ARHGAP21: variants seen among roughly 807,000 people sequenced by gnomAD.
The protein encoded by ARHGAP21 is Rho GTPase activating protein 21, also known as rho GTPase-activating protein 21.
A neutral mutation model predicts 164.6 loss-of-function variants in ARHGAP21; 38 were observed. That is an observed-to-expected ratio of 0.23 (90% CI 0.18 to 0.30). The LOEUF (loss-of-function observed/expected upper bound fraction) is 0.30, where lower values mean the gene tolerates loss of function less well. Ranked by LOEUF, ARHGAP21 falls within the 10% of genes least tolerant of loss-of-function variation. The probability of loss-of-function intolerance (pLI) is 1.00; values close to 1 mark genes in which losing one functional copy is unlikely to be tolerated. For missense variants in ARHGAP21, 1,822 were observed against 2,370.7 expected, an observed-to-expected ratio of 0.77 and a Z score of 4.81; for synonymous variants, 766 against 857.9, an observed-to-expected ratio of 0.89 and a Z score of 1.87.
At chr10:24,711,824 G>A (rs944035821) in intron 2 of ARHGAP21, among the ~76,000 whole-genome samples, 2 of 152,162 alleles carry the variant, frequency 1.3e-5, no homozygotes, top group African/African-American at 2.4e-5. Context: ...CCCAGTGTAG[G>A]GGTTTGAACA....
intron 7 of ARHGAP21, among the ~76,000 whole-genome samples, chr10:24,626,771 G>A (rs1835181944): frequency 6.6e-6 from 1 of 151,972 alleles, no homozygotes; most frequent in Non-Finnish European, 1.5e-5. Flanking sequence ...TTTTTATTTT[G>A]CAATAAACAC....
chr10:24,604,835 TCACTCTTCTA>T (rs1286548724), intron 11 of ARHGAP21, among the ~76,000 whole-genome samples: 2 of 152,134 alleles, frequency 1.3e-5, no homozygotes, highest in African/African-American at 4.8e-5. Flanking sequence ...TCCTGGCCCT[TCACTCTTCTA>T]CTCTAACCAC....
chr10:24,663,081 A>G (rs1839868551), intron 4 of ARHGAP21, among the ~76,000 whole-genome samples: 1 of 151,996 alleles, frequency 6.6e-6, no homozygotes, highest in Non-Finnish European at 1.5e-5. Context: ...TGTGCAGATT[A>G]GCATATATGT....
At chr10:24,717,378 T>TCTTATAGGGACTTATAGCCC (rs1185894601) in intron 2 of ARHGAP21, among the ~76,000 whole-genome samples, 12 of 152,330 alleles carry the variant, frequency 7.9e-5, no homozygotes, top group Admixed American at 7.2e-4. Context: ...TGGTCCCTGC[T>TCTTATAGGGACTTATAGCCC]CTTATAGGGA....
intron 4 of ARHGAP21, among the ~76,000 whole-genome samples, chr10:24,648,206 C>G (rs2131514900): frequency 6.6e-6 from 1 of 152,262 alleles, no homozygotes; most frequent in South Asian, 2.1e-4. Context: ...CGTGCTGCTG[C>G]CACCACCTCC....
chr10:24,628,950 C>CTATATATATATATATAT (rs1565054194), intron 7 of ARHGAP21: 3 of 53,550 alleles, frequency 5.6e-5, no homozygotes, highest in African/African-American at 8.4e-5. Flanking sequence ...TACACACACA[C>CTATATATATATATATAT]ACTATATATA....
intron 2 of ARHGAP21, among the ~76,000 whole-genome samples, chr10:24,691,496 ATTTAT>A (rs1413602080): frequency 4.6e-5 from 7 of 152,346 alleles, no homozygotes; most frequent in Admixed American, 2.0e-4. Flanking sequence ...TATAGAAGGT[ATTTAT>A]TTTATATCTT....
chr10:24,584,682 T>C lies in ARHGAP21; in HGVS notation c.5607A>G (p.Glu1869=), dbSNP rs2076027187. 1.9e-6 allele frequency: 3 copies of C among 1,613,836 alleles called. No individual in the cohort carries two copies. The Admixed American group carries it at 5.0e-5, about 27-fold the overall frequency. Residue 1869 remains glutamate, a synonymous_variant, in exon 26 of 26, where the codon GAA becomes GAG. Coordinates refer to ENST00000396432, the MANE Select transcript of ARHGAP21 (RefSeq NM_020824.4). The stretch of plus-strand genomic sequence containing the variant: ...GGTTCTCTGTCTGGGGATCTCCGAT[T>C]TCTCCTCTGCTAAGGTCAGAGGTAC... The part of the protein sequence containing the change: ...RTSTSDLSRG[E]IGDPQTENPS...
intron 7 of ARHGAP21, 159 bp downstream of exon 7, chr10:24,629,837 T>G (rs1288058992): frequency 1.4e-6 from 1 of 693,704 alleles, no homozygotes; most frequent in Non-Finnish European, 2.7e-6. Flanking sequence ...AATGGTATTT[T>G]TGTAAAATGT....
intron 3 of ARHGAP21, among the ~76,000 whole-genome samples, 200 bp from the exon 4 acceptor site, chr10:24,667,209 C>G (rs1029441533): frequency 5.3e-5 from 8 of 152,170 alleles, no homozygotes; most frequent in Non-Finnish European, 1.0e-4. Flanking sequence ...TCTTCAATAA[C>G]AGTATAGGAA....
chr10:24,610,264 C>G (rs1354314101), intron 9 of ARHGAP21, among the ~76,000 whole-genome samples: 1 of 151,914 alleles, frequency 6.6e-6, no homozygotes, highest in Non-Finnish European at 1.5e-5. Context: ...GTAGTCCCAG[C>G]TACTCGGGAA....
rs1261900318 is a variant in ARHGAP21 at position 24,585,847 on chromosome 10, T to C, written c.4442A>G (p.Lys1481Arg). The change falls in exon 26 of 26, where the codon AAA becomes AGA. Residue 1481 changes from lysine to arginine, a missense_variant. By Grantham distance (26) the Lys-to-Arg change is conservative (BLOSUM62 2). This residue lies in a region of ARHGAP21 where 333 missense variants were observed against 383.9 expected (regional missense o/e 0.87). Coordinates refer to ENST00000396432, the MANE Select transcript of ARHGAP21 (RefSeq NM_020824.4). ...TTCATCTTTTGTCGTGCTGGGGTCTTTCCTAGTGCTGTTTTCTTTGGCAAT... is the reference window on the plus strand; with the variant it reads ...TTCATCTTTTGTCGTGCTGGGGTCTCTCCTAGTGCTGTTTTCTTTGGCAAT... ...IIIAKENSTR[K>R]DPSTTKDEKI... is the part of the protein sequence containing the mutation. 2 of 1,614,010 alleles carry C rather than the reference T, an allele frequency of 1.2e-6. No homozygotes were observed. The highest frequency in any genetic ancestry group is 3.3e-5 in the Admixed American group (2 of 60,014).
At chr10:24,720,449 G>A (rs185901862) in intron 2 of ARHGAP21, among the ~76,000 whole-genome samples, 2 of 152,286 alleles carry the variant, frequency 1.3e-5, no homozygotes, top group East Asian at 3.9e-4. Flanking sequence ...ATGGTTTACC[G>A]TGATCAGAGG....
At chr10:24,721,693 G>A in intron 2 of ARHGAP21, 144 bp downstream of exon 2, 1 of 847,216 alleles carries the variant, frequency 1.2e-6, no homozygotes, top group Non-Finnish European at 1.9e-6. Flanking sequence ...CCTCGCTACT[G>A]GTTAAGCTGG....
chr10:24,588,906 CA>C (rs1390153299), intron 25 of ARHGAP21, among the ~76,000 whole-genome samples: 1 of 152,096 alleles, frequency 6.6e-6, no homozygotes, highest in East Asian at 1.9e-4. Context: ...AGGTGGCGTA[CA>C]GAGCAAACGG....
chr10:24,662,000 A>G (rs1839746208), intron 4 of ARHGAP21, among the ~76,000 whole-genome samples: 1 of 152,202 alleles, frequency 6.6e-6, no homozygotes. Flanking sequence ...ACACTTGGAA[A>G]GCAAAGGTGC....
At chr10:24,675,415 C>T (rs1841117824) in intron 2 of ARHGAP21, among the ~76,000 whole-genome samples, 1 of 152,034 alleles carries the variant, frequency 6.6e-6, no homozygotes, top group African/African-American at 2.4e-5. Context: ...TTAGCAGTTG[C>T]TCTGGGTGGG....
At chr10:24,604,424 T>G (rs1456652745) in intron 11 of ARHGAP21, 76 bp from the exon 12 acceptor site, 11 of 964,004 alleles carry the variant, frequency 1.1e-5, no homozygotes, top group African/African-American at 3.3e-5. Context: ...AATTTGAATA[T>G]TACAATTACT....
chr10:24,678,083 G>C (rs1217960593), intron 2 of ARHGAP21, among the ~76,000 whole-genome samples: 2 of 151,402 alleles, frequency 1.3e-5, no homozygotes, highest in Non-Finnish European at 2.9e-5. Flanking sequence ...GCAACATAGT[G>C]AGACCTCACT....
Sources: allele counts gnomAD v4.1 joint callset (sites outside exome capture counted in the v4.1 genomes callset), GRCh38; gene constraint gnomAD v4.1.1; regional missense constraint gnomAD v4.1.1; transcripts MANE v1.5; gene names NCBI Gene and HGNC (gene_info 2026-07-23, HGNC 2026-07-21).